Variants in TMEM255B observed in about 807,000 individuals in gnomAD.
The protein encoded by TMEM255B is family with sequence similarity 70, member B.
Under a neutral mutation model 34.5 loss-of-function variants are expected in TMEM255B, and 35 were observed. The observed-to-expected ratio is 1.01, with a 90% CI of 0.77 to 1.34. The LOEUF (loss-of-function observed/expected upper bound fraction) is 1.34. TMEM255B is among the 40% of genes most tolerant of loss of function. TMEM255B has a pLI of 0.00. For synonymous variants in TMEM255B, 206 were observed against 201.2 expected, an observed-to-expected ratio of 1.02 and a Z score of -0.20; for missense variants, 432 against 433.2, an observed-to-expected ratio of 1.00 and a Z score of 0.02.
chr13:113,800,146 CTGTG>C, intron 5 of TMEM255B: 2 of 897,148 alleles, frequency 2.2e-6, no homozygotes, highest in Non-Finnish European at 2.8e-6. Flanking sequence ...GGGAGGTGTC[CTGTG>C]TGTGTATGTG....
At chr13:113,807,727 G>A (rs1221220519) in intron 8 of TMEM255B, among the ~76,000 whole-genome samples, 7 of 126,382 alleles carry the variant, frequency 5.5e-5, no homozygotes, top group Non-Finnish European at 6.4e-5. Flanking sequence ...CCTGTCACAC[G>A]TGGGCTTATG....
At chr13:113,786,073 T>C (rs2050735667) in intron 3 of TMEM255B, among the ~76,000 whole-genome samples, 1 of 152,204 alleles carries the variant, frequency 6.6e-6, no homozygotes, top group Non-Finnish European at 1.5e-5. Flanking sequence ...CATGCTTTGC[T>C]GTAAAATGAA....
chr13:113,782,707 C>T (rs561122514), intron 3 of TMEM255B, among the ~76,000 whole-genome samples: 9 of 151,072 alleles, frequency 6.0e-5, no homozygotes, highest in East Asian at 5.9e-4. Flanking sequence ...CCCACCTGAA[C>T]GGGGAAGGTG....
Position 113,810,649 on chromosome 13 carries a change from G to T in TMEM255B, c.814-1087G>T, listed in dbSNP as rs1238901893. Among the ~76,000 whole-genome samples, 10 of 152,316 alleles carry T rather than the reference G, an allele frequency of 6.6e-5. No individual in the cohort carries two copies. The East Asian group carries it at 1.9e-3, about 29-fold the overall frequency. On this transcript the variant is annotated intron_variant, in intron 8 of 8. Transcript: ENST00000375353. Reference sequence around the variant, plus strand: ...GGTGACGCTGCCCCGGGAGTGCCTAGGCCACTGGGGCAGAGTCCACTTCTC... The same window carrying T: ...GGTGACGCTGCCCCGGGAGTGCCTATGCCACTGGGGCAGAGTCCACTTCTC...
intron 4 of TMEM255B, among the ~76,000 whole-genome samples, chr13:113,796,796 C>A (rs925820382): frequency 6.6e-6 from 1 of 152,244 alleles, no homozygotes; most frequent in Non-Finnish European, 1.5e-5. Flanking sequence ...GTTTCTCCCT[C>A]TTTTTCCATA....
Position 113,790,190 on chromosome 13 carries a change from CCTAACACTGAACTGACCGGGCAT to C in TMEM255B, c.253-4957_253-4935del, listed in dbSNP as rs879261143. Among the ~76,000 whole-genome samples, 538 of 120,294 alleles carry C rather than the reference CCTAACACTGAACTGACCGGGCAT, an allele frequency of 4.5e-3. 155 individuals are homozygous for C. The highest frequency in any genetic ancestry group is 9.0e-3 in the East Asian group (21 of 2,342). The allele number at this position is 120,294 out of a possible 152,430, so 78.9% of individuals were successfully genotyped here. A position where few individuals can be genotyped will look rare whatever the true frequency, so the allele number is the denominator to read the frequency against. ...CTGAACTGACCAGACACGTGGACAT[CCTAACACTGAACTGACCGGGCAT>C]GTGGACATCCTAGCGCTGGACTGAC... is the stretch of plus-strand genomic sequence containing the variant. On this transcript the variant is annotated intron_variant, in intron 3 of 8. Coordinates refer to ENST00000375353, the MANE Select transcript of TMEM255B (RefSeq NM_182614.4).
At chr13:113,799,957 C>A in intron 5 of TMEM255B, 1 of 1,285,890 alleles carries the variant, frequency 7.8e-7, no homozygotes, top group Non-Finnish European at 1.0e-6. Flanking sequence ...CTAAACGCAG[C>A]CTCTCATCCT....
chr13:113,789,733 C>T (rs2050796238), intron 3 of TMEM255B, among the ~76,000 whole-genome samples: 1 of 152,148 alleles, frequency 6.6e-6, no homozygotes. Context: ...TGACCATGTA[C>T]ATGGACATCC....
At chr13:113,782,093 T>C (rs2050673441) in intron 3 of TMEM255B, among the ~76,000 whole-genome samples, 1 of 152,266 alleles carries the variant, frequency 6.6e-6, no homozygotes, top group African/African-American at 2.4e-5. Context: ...CTGCATAATT[T>C]AGACCAACTG....
chr13:113,778,701 G>A (rs1038991882), intron 3 of TMEM255B, among the ~76,000 whole-genome samples: 1 of 152,064 alleles, frequency 6.6e-6, no homozygotes, highest in African/African-American at 2.4e-5. Context: ...CTGCTGTAAT[G>A]ATATGACGAT....
intron 4 of TMEM255B, among the ~76,000 whole-genome samples, chr13:113,795,973 GCA>G (rs1422964860): frequency 1.7e-5 from 2 of 116,576 alleles, no homozygotes; most frequent in Non-Finnish European, 3.4e-5. Flanking sequence ...AGAGCACACA[GCA>G]CACACACAAC....
In TMEM255B at chr13:113,795,239, T is replaced by C; in HGVS notation, c.342+2T>C. ...GGCGTATTTGCAGCACAGCACATTG[T>C]GAGTACATTGTCATTGTGTGCACAG... On this transcript the variant is annotated splice_donor_variant, in intron 4 of 8. Transcript: ENST00000375353. LOFTEE classifies it high-confidence loss of function. 1 of 1,613,334 alleles carries C rather than the reference T, an allele frequency of 6.2e-7. No homozygotes were observed. The highest frequency in any genetic ancestry group is 8.5e-7 in the Non-Finnish European group (1 of 1,179,752).
chr13:113,805,756 C>T (rs867743943), intron 8 of TMEM255B, among the ~76,000 whole-genome samples: 17 of 152,218 alleles, frequency 1.1e-4, no homozygotes, highest in East Asian at 1.9e-4. Context: ...CCAAACTCTC[C>T]GGACGTGTCC....
chr13:113,810,121 A>G (rs1391739541), intron 8 of TMEM255B, among the ~76,000 whole-genome samples: 1 of 152,138 alleles, frequency 6.6e-6, no homozygotes, highest in Non-Finnish European at 1.5e-5. Context: ...AGAGCTCTCC[A>G]GGGAGAGGCT....
chr13:113,799,952 C>T (rs529450085), intron 5 of TMEM255B: 175 of 1,290,062 alleles, frequency 1.4e-4, no homozygotes, highest in African/African-American at 1.3e-3. Flanking sequence ...TTTAACTAAA[C>T]GCAGCCTCTC....
At chr13:113,784,848 C>G (rs2050717361) in intron 3 of TMEM255B, among the ~76,000 whole-genome samples, 1 of 152,228 alleles carries the variant, frequency 6.6e-6, no homozygotes, top group South Asian at 2.1e-4. Context: ...TGCAAGAGAG[C>G]CTCTGGCCCC....
intron 7 of TMEM255B, among the ~76,000 whole-genome samples, chr13:113,804,493 G>A (rs1028489093): frequency 3.9e-5 from 6 of 152,286 alleles, no homozygotes; most frequent in Non-Finnish European, 8.8e-5. Context: ...CGAGCCGAGC[G>A]GTCACCCAGT....
chr13:113,794,285 C>T (rs555273586), intron 3 of TMEM255B, among the ~76,000 whole-genome samples: 37 of 152,260 alleles, frequency 2.4e-4, no homozygotes, highest in African/African-American at 5.8e-4. Context: ...CACCCACGCT[C>T]GTGCCTGGTG....
intron 2 of TMEM255B, 197 bp downstream of exon 2, chr13:113,766,454 A>G: frequency 1.3e-6 from 1 of 789,914 alleles, no homozygotes. Flanking sequence ...GGCAGGTCCA[A>G]GGCAGAGGGG....
Sources: allele counts gnomAD v4.1 joint callset (sites outside exome capture counted in the v4.1 genomes callset), GRCh38; gene constraint gnomAD v4.1.1; transcripts MANE v1.5; gene names NCBI Gene and HGNC (gene_info 2026-07-23, HGNC 2026-07-21).